Variants in LARGE1 observed in about 807,000 individuals in gnomAD.
The protein encoded by LARGE1 is LARGE xylosyl- and glucuronyltransferase 1.
A neutral mutation model predicts 87.6 loss-of-function variants in LARGE1; 43 were observed. The observed-to-expected ratio is 0.49, with a 90% confidence interval of 0.38 to 0.63. The LOEUF (loss-of-function observed/expected upper bound fraction) is 0.63. Ranked by LOEUF, LARGE1 falls within the 30% of genes least tolerant of loss-of-function variation. The pLI, the probability that LARGE1 is intolerant of heterozygous loss-of-function variation, is 0.00. For synonymous variants in LARGE1, 434 were observed against 394.6 expected (o/e 1.10, Z -1.18); for missense variants, 802 against 1,000.2 (o/e 0.80, Z 2.67).
chr22:33,712,415 G>A (rs1427730852), intron 2 of LARGE1, among the ~76,000 whole-genome samples: 2 of 152,120 alleles, frequency 1.3e-5, no homozygotes, highest in South Asian at 4.1e-4. Flanking sequence ...GAGGAGACCA[G>A]CACAAGAGGG....
chr22:33,136,760 T>C, the LARGE1 span, among the ~76,000 whole-genome samples: 6 of 152,024 alleles, frequency 3.9e-5, no homozygotes, highest in African/African-American at 1.4e-4. Context: ...ATAGCCATGG[T>C]TGAAGTCAAG....
chr22:33,151,377 C>T, the LARGE1 span, among the ~76,000 whole-genome samples: 1 of 152,112 alleles, frequency 6.6e-6, no homozygotes, highest in Non-Finnish European at 1.5e-5. Context: ...TTAATATAGA[C>T]AATTATGCCA....
intron 1 of LARGE1, among the ~76,000 whole-genome samples, chr22:33,812,004 C>G (rs575860588): frequency 6.6e-6 from 1 of 152,264 alleles, no homozygotes; most frequent in African/African-American, 2.4e-5. Context: ...GGGAAATTGG[C>G]TACAGAAAGT....
At position 33,555,787 on chromosome 22, in the gene LARGE1, G is replaced by A. The variant is rs577093758; in HGVS notation, c.787+9061C>T. On this transcript the variant is annotated intron_variant, in intron 6 of 14. Coordinates refer to ENST00000397394, the MANE Select transcript of LARGE1 (RefSeq NM_133642.5). ...CTACTAAAACTACAAAAAATTAGCC[G>A]GGTGTGGTGGCACATTCCTGTAATC... is the stretch of plus-strand genomic sequence containing the variant. 1.1e-4 allele frequency among the ~76,000 whole-genome samples: 16 copies of A among 151,928 alleles called. No homozygotes were observed. The East Asian group carries it at 2.1e-3, about 20-fold the overall frequency.
At chr22:33,670,918 T>C (rs2081389321) in intron 2 of LARGE1, among the ~76,000 whole-genome samples, 2 of 152,208 alleles carry the variant, frequency 1.3e-5, no homozygotes, top group South Asian at 2.1e-4. Flanking sequence ...ACAAAATAGG[T>C]ATTTCATTTT....
At chr22:33,213,833 T>A (rs1925073872) in intron 11 of LARGE1, among the ~76,000 whole-genome samples, 1 of 150,766 alleles carries the variant, frequency 6.6e-6, no homozygotes, top group African/African-American at 2.4e-5. Flanking sequence ...TTCTTTTTCT[T>A]TTTTTTTTTG....
At position 33,224,300 on chromosome 22, in the gene LARGE1, AGG is replaced by A. The variant is rs113551995; in HGVS notation, c.1731-57470_1731-57469del. Among the ~76,000 whole-genome samples the A allele has an allele frequency of 6.2e-3, 732 of 118,178 alleles. 7 individuals carry two copies. Among genetic ancestry groups the A allele is most frequent in the African/African-American group, 0.028 (693 of 25,040 alleles). 77.5% of individuals were successfully genotyped at this position (118,178 alleles called of 152,430 possible). Reference sequence around the variant, plus strand: ...AGAAAAGAAAAAAGAAAAAAAAAGAAGGTGCTCAAAAAGTGCTGGATAAATGC... The same window carrying A: ...AGAAAAGAAAAAAGAAAAAAAAAGAATGCTCAAAAAGTGCTGGATAAATGC... On this transcript the variant is annotated intron_variant, in intron 11 of 11. Coordinates refer to the LARGE1 transcript ENST00000608642.
the LARGE1 span, among the ~76,000 whole-genome samples, chr22:33,069,816 C>CT: frequency 0.55 from 69,084 of 126,758 alleles, 20,440 homozygotes; most frequent in Non-Finnish European, 0.65. Context: ...TTATTACATT[C>CT]TTTTTTTTTT....
chr22:33,920,394 G>T lies in LARGE1; in HGVS notation c.-482C>A, dbSNP rs2065911339. The T allele has an allele frequency of 6.6e-6, 1 of 150,854 alleles. No homozygotes were observed. The highest frequency in any genetic ancestry group is 2.1e-4 in the South Asian group (1 of 4,814). 9.3% of individuals were successfully genotyped at this position (150,854 alleles called of 1,614,324 possible). A position where few individuals can be genotyped will look rare whatever the true frequency, so the allele number is the denominator to read the frequency against. The stretch of plus-strand genomic sequence containing the variant: ...TCCCTTCAGGGCAGGGCCTGCCCGC[G>T]AACAGCCCGGCGAGACGAGCGCGGC... On this transcript the variant is annotated 5_prime_UTR_variant, in exon 1 of 15. Transcript: ENST00000397394.
intron 9 of LARGE1, among the ~76,000 whole-genome samples, chr22:33,374,636 G>A (rs11703347): frequency 0.096 from 14,655 of 152,176 alleles, 927 homozygotes; most frequent in South Asian, 0.25. Flanking sequence ...GAGTCTCAAA[G>A]AATGTATCTC....
In LARGE1 at chr22:33,274,112, G is replaced by T; in HGVS notation, c.*315C>A. Reference sequence around the variant, plus strand: ...AGCATCCAGAACATCCTAAAGCCCTGCCCTGATCTTGTGGCTTTGCAGTAA... The same window carrying T: ...AGCATCCAGAACATCCTAAAGCCCTTCCCTGATCTTGTGGCTTTGCAGTAA... On this transcript the variant is annotated 3_prime_UTR_variant, in exon 15 of 15. Coordinates refer to ENST00000397394, the MANE Select transcript of LARGE1 (RefSeq NM_133642.5). The T allele has an allele frequency of 1.9e-6, 1 of 519,328 alleles. No individual in the cohort carries two copies. The highest frequency in any genetic ancestry group is 3.5e-5 in the East Asian group (1 of 28,176). 32.2% of individuals were successfully genotyped at this position (519,328 alleles called of 1,614,324 possible).
the LARGE1 span, among the ~76,000 whole-genome samples, chr22:33,078,862 G>A: frequency 6.6e-6 from 1 of 152,146 alleles, no homozygotes; most frequent in South Asian, 2.1e-4. Flanking sequence ...GCGAGGTCAG[G>A]GCAAGCTCCA....
intron 5 of LARGE1, among the ~76,000 whole-genome samples, chr22:33,584,370 G>T (rs2078607128): frequency 2.0e-5 from 3 of 152,130 alleles, no homozygotes; most frequent in African/African-American, 7.2e-5. Flanking sequence ...AAATCACAGT[G>T]GCCCCCAAGG....
chr22:33,826,090 G>A lies in LARGE1; in HGVS notation c.-82-64532C>T, dbSNP rs7291335. On this transcript the variant is annotated intron_variant, in intron 1 of 14. Transcript: ENST00000397394. Reference sequence around the variant, plus strand: ...TTTTAATATAGTGGTAAAATTCCACGTCTGCTATAGCACAAACGGTGGCTT... The same window carrying A: ...TTTTAATATAGTGGTAAAATTCCACATCTGCTATAGCACAAACGGTGGCTT... Among the ~76,000 whole-genome samples, 296 of 152,128 alleles carry A rather than the reference G, an allele frequency of 1.9e-3. 2 individuals are homozygous for A. Among genetic ancestry groups the A allele is most frequent in the African/African-American group, 6.4e-3 (265 of 41,508 alleles).
intron 11 of LARGE1, among the ~76,000 whole-genome samples, chr22:33,256,754 TCA>T (rs1255762142): frequency 4.6e-5 from 7 of 152,348 alleles, no homozygotes; most frequent in African/African-American, 1.7e-4. Context: ...CTGTATCAAC[TCA>T]CATATTTCTC....
At chr22:33,820,004 T>C (rs1166291147) in intron 1 of LARGE1, among the ~76,000 whole-genome samples, 1 of 152,162 alleles carries the variant, frequency 6.6e-6, no homozygotes, top group African/African-American at 2.4e-5. Flanking sequence ...ATGTGGATGG[T>C]CCAGGGTGTT....
intron 6 of LARGE1, among the ~76,000 whole-genome samples, chr22:33,476,873 T>C (rs1254239581): frequency 1.3e-5 from 2 of 152,164 alleles, no homozygotes; most frequent in African/African-American, 4.8e-5. Context: ...GACCTTTTCA[T>C]GCACGCAACA....
chr22:33,217,238 CAAA>C (rs137458), intron 11 of LARGE1, among the ~76,000 whole-genome samples: 11 of 131,268 alleles, frequency 8.4e-5, no homozygotes, highest in African/African-American at 5.7e-5. Context: ...TATCTAACAG[CAAA>C]AAAAAAAAAA....
chr22:33,723,722 C>G (rs186663570), intron 2 of LARGE1: 9 of 151,704 alleles, frequency 5.9e-5, no homozygotes, highest in Non-Finnish European at 1.2e-4. Context: ...TCTGAGCCCC[C>G]CTTTTTTCCC....
Sources: gnomAD v4.1 joint callset for allele counts (sites outside exome capture counted in the v4.1 genomes callset) on GRCh38, gnomAD v4.1.1 for gene constraint, MANE v1.5 for transcripts, NCBI Gene and HGNC (gene_info 2026-07-23, HGNC 2026-07-21) for gene names.